Variants in PSEN1 observed in about 807,000 individuals in gnomAD.
The protein encoded by PSEN1 is presenilin-1.
Under a neutral mutation model 53.5 loss-of-function variants are expected in PSEN1, and 15 were observed. That is an observed-to-expected ratio of 0.28 (90% CI 0.19 to 0.43). The LOEUF (loss-of-function observed/expected upper bound fraction) is 0.43, where lower values mean the gene tolerates loss of function less well. Ranked by LOEUF, PSEN1 falls within the 20% of genes least tolerant of loss-of-function variation. PSEN1 has a pLI of 1.00. For missense variants in PSEN1, 387 were observed against 571.2 expected (o/e 0.68, Z 3.29); for synonymous variants, 208 against 209.8 (o/e 0.99, Z 0.08).
At chr14:73,152,261 C>G (rs1052554860) in intron 3 of PSEN1, among the ~76,000 whole-genome samples, 2 of 151,676 alleles carry the variant, frequency 1.3e-5, no homozygotes, top group Non-Finnish European at 2.9e-5. Context: ...ATCAAGCATT[C>G]GAGGTTTTCT....
At chr14:73,161,265 A>G (rs992462323) in intron 3 of PSEN1, among the ~76,000 whole-genome samples, 1 of 152,012 alleles carries the variant, frequency 6.6e-6, no homozygotes, top group African/African-American at 2.4e-5. Context: ...GTGAGCTACC[A>G]CACCCAGCCT....
chr14:73,183,531 T>C (rs1438755176), intron 5 of PSEN1, among the ~76,000 whole-genome samples: 1 of 152,134 alleles, frequency 6.6e-6, no homozygotes, highest in East Asian at 1.9e-4. Flanking sequence ...AGCATCTGTT[T>C]AACAAAACAC....
At chr14:73,199,030 T>C (rs1470094774) in intron 8 of PSEN1, among the ~76,000 whole-genome samples, 1 of 152,158 alleles carries the variant, frequency 6.6e-6, no homozygotes, top group Non-Finnish European at 1.5e-5. Context: ...CTGCCTTGAC[T>C]TCACAAAGTG....
chr14:73,218,900 T>C (rs1900036723), intron 11 of PSEN1, among the ~76,000 whole-genome samples: 1 of 152,240 alleles, frequency 6.6e-6, no homozygotes, highest in African/African-American at 2.4e-5. Flanking sequence ...ATTTCTTTAC[T>C]AGAATTAAGG....
rs1423765320 is a variant in PSEN1 at position 73,211,754 on chromosome 14, C to T, written c.956-15C>T. On this transcript the variant is annotated splice_polypyrimidine_tract_variant and intron_variant, in intron 9 of 11. Coordinates refer to ENST00000324501, the MANE Select transcript of PSEN1 (RefSeq NM_000021.4). ...TTCTAAATATTAGAGCTGTAACTTCCACTTTCTCTTGAAGGCACAGAAAGG... is the reference window on the plus strand; with the variant it reads ...TTCTAAATATTAGAGCTGTAACTTCTACTTTCTCTTGAAGGCACAGAAAGG... 1.2e-6 allele frequency: 2 copies of T among 1,613,688 alleles called. No individual in the cohort carries two copies. The highest frequency in any genetic ancestry group is 4.5e-5 in the East Asian group (2 of 44,886).
At position 73,206,430 on chromosome 14, in the gene PSEN1, G is replaced by T. The variant is rs777545298; in HGVS notation, c.913G>T (p.Ala305Ser). The T allele has an allele frequency of 4.3e-6, 7 of 1,613,936 alleles. No individual in the cohort carries two copies. The highest frequency in any genetic ancestry group is 8.5e-7 in the Non-Finnish European group (1 of 1,179,944). ...LVNMAEGDPE[A>S]QRRVSKNSKY... is the part of the protein sequence containing the mutation. ...GAATATGGCAGAAGGAGACCCGGAA[G>T]CTCAAAGGAGAGTATCCAAAAATTC... Residue 305 changes from alanine to serine, a missense_variant, in exon 9 of 12, where the codon GCT (alanine) becomes TCT (serine). By Grantham distance (99) the Ala-to-Ser change is moderately conservative (BLOSUM62 1). Coordinates refer to ENST00000324501, the MANE Select transcript of PSEN1 (RefSeq NM_000021.4).
At chr14:73,178,664 T>C (rs1484924469) in intron 5 of PSEN1, among the ~76,000 whole-genome samples, 1 of 152,274 alleles carries the variant, frequency 6.6e-6, no homozygotes, top group Non-Finnish European at 1.5e-5. Context: ...AAAATGTTTT[T>C]GGTTATTTTA....
At position 73,170,940 on chromosome 14, in the gene PSEN1, T is replaced by A; in HGVS notation, c.231T>A (p.Tyr77Ter). The A allele has an allele frequency of 6.2e-7, 1 of 1,614,226 alleles. No homozygotes were observed. The highest frequency in any genetic ancestry group is 8.5e-7 in the Non-Finnish European group (1 of 1,180,040). The change falls in exon 4 of 12, where the codon TAT (tyrosine) becomes TAA (stop). Residue 77 changes from tyrosine to a stop codon, truncating the protein, a stop_gained. Transcript: ENST00000324501. LOFTEE classifies it high-confidence loss of function. ...AAGATGAGGAGCTGACATTGAAATA[T>A]GGCGCCAAGCATGTGATCATGCTCT... ...EEEDEELTLK[Y>*]GAKHVIMLFV...
chr14:73,184,376 T>C (rs1428697052), intron 5 of PSEN1, among the ~76,000 whole-genome samples: 3 of 113,294 alleles, frequency 2.6e-5, no homozygotes, highest in African/African-American at 6.9e-5. Flanking sequence ...ACGGGGCGGC[T>C]GGCCGGGCGG....
At chr14:73,185,362 G>C (rs1387959192) in intron 5 of PSEN1, among the ~76,000 whole-genome samples, 1 of 152,204 alleles carries the variant, frequency 6.6e-6, no homozygotes, top group Non-Finnish European at 1.5e-5. Flanking sequence ...CCGGCACCTC[G>C]GGAGGCCGAG....
intron 3 of PSEN1, chr14:73,168,676 A>C (rs1373734114): frequency 6.6e-6 from 1 of 152,220 alleles, no homozygotes. Context: ...GCTGAGAACC[A>C]CTTCCATCGT....
At chr14:73,175,358 C>G (rs1898017649) in intron 5 of PSEN1, among the ~76,000 whole-genome samples, 1 of 151,962 alleles carries the variant, frequency 6.6e-6, no homozygotes, top group Admixed American at 6.6e-5. Flanking sequence ...AACTCCTGAC[C>G]TCAGGTGATC....
intron 3 of PSEN1, among the ~76,000 whole-genome samples, chr14:73,155,272 T>A (rs1381021345): frequency 6.6e-6 from 1 of 152,182 alleles, no homozygotes; most frequent in Non-Finnish European, 1.5e-5. Flanking sequence ...TTCTTAGCAT[T>A]ATGATCTTTG....
intron 10 of PSEN1, among the ~76,000 whole-genome samples, chr14:73,216,542 T>C (rs10130116): frequency 0.015 from 2,277 of 152,190 alleles, 58 homozygotes; most frequent in African/African-American, 0.051. Flanking sequence ...GGGTGGATCA[T>C]GAGGTCAGGA....
At chr14:73,183,152 C>CT (rs1301332931) in intron 5 of PSEN1, among the ~76,000 whole-genome samples, 2 of 152,162 alleles carry the variant, frequency 1.3e-5, no homozygotes, top group African/African-American at 4.8e-5. Flanking sequence ...GAGTCTCGCT[C>CT]TGTTGCTCAG....
chr14:73,195,025 A>G (rs1898883736), intron 7 of PSEN1, among the ~76,000 whole-genome samples: 1 of 152,196 alleles, frequency 6.6e-6, no homozygotes, highest in East Asian at 1.9e-4. Flanking sequence ...GAACTATAGA[A>G]GTCATATACT....
chr14:73,145,347 T>G (rs1210502563), intron 1 of PSEN1, among the ~76,000 whole-genome samples: 1 of 152,152 alleles, frequency 6.6e-6, no homozygotes, highest in African/African-American at 2.4e-5. Context: ...TATTATTTGT[T>G]TTTTTGAGAC....
At chr14:73,189,527 G>A (rs1898639221) in intron 6 of PSEN1, among the ~76,000 whole-genome samples, 10 of 152,122 alleles carry the variant, frequency 6.6e-5, no homozygotes, top group Admixed American at 6.5e-4. Context: ...CAGGAGAGTG[G>A]CGTGAACCTG....
chr14:73,181,414 G>A (rs1800307516), intron 5 of PSEN1, among the ~76,000 whole-genome samples: 1 of 152,206 alleles, frequency 6.6e-6, no homozygotes, highest in African/African-American at 2.4e-5. Context: ...TCCAGCCTGG[G>A]CAACAAGAGC....
Sources: gnomAD v4.1 joint callset for allele counts (sites outside exome capture counted in the v4.1 genomes callset) on GRCh38, gnomAD v4.1.1 for gene constraint, MANE v1.5 for transcripts, NCBI Gene and HGNC (gene_info 2026-07-23, HGNC 2026-07-21) for gene names.